The following AKAP19 variants were observed in gnomAD, a reference collection of about 807,000 sequenced individuals.
AKAP19 encodes small A-kinase anchoring protein.
the AKAP19 span, chr2:190,062,477 A>T: frequency 6.2e-7 from 1 of 1,613,622 alleles, no homozygotes; most frequent in South Asian, 1.1e-5. Flanking sequence ...AAGTACATGC[A>T]TTACACAGCC....
the AKAP19 span, among the ~76,000 whole-genome samples, chr2:190,040,650 T>G: frequency 6.6e-6 from 1 of 152,340 alleles, no homozygotes; most frequent in South Asian, 2.1e-4. Flanking sequence ...TTTTTATAGT[T>G]TTGGGTTTTA....
chr2:189,920,345 T>C, the AKAP19 span, among the ~76,000 whole-genome samples: 3 of 152,290 alleles, frequency 2.0e-5, no homozygotes, highest in African/African-American at 7.2e-5. Context: ...CTGTCCTAGA[T>C]CCTGCCATCA....
chr2:189,945,269 C>A, the AKAP19 span, among the ~76,000 whole-genome samples: 2 of 151,896 alleles, frequency 1.3e-5, no homozygotes, highest in Admixed American at 6.6e-5. Flanking sequence ...TAACTGAGAC[C>A]AAAACAAAAC....
the AKAP19 span, among the ~76,000 whole-genome samples, chr2:189,912,885 G>T: frequency 1.1e-4 from 16 of 152,082 alleles, no homozygotes; most frequent in African/African-American, 3.6e-4. Flanking sequence ...ATTTGTCATA[G>T]TTGATTTCCA....
At chr2:190,133,089 T>A in the AKAP19 span, among the ~76,000 whole-genome samples, 1 of 151,396 alleles carries the variant, frequency 6.6e-6, no homozygotes, top group Non-Finnish European at 1.5e-5. Context: ...ACAAAAAAAA[T>A]TAGCCGGGCG....
chr2:190,138,824 G>A, the AKAP19 span, among the ~76,000 whole-genome samples: 359 of 152,260 alleles, frequency 2.4e-3, 4 homozygotes, highest in African/African-American at 8.1e-3. Flanking sequence ...CCATTTTCAC[G>A]AGAAGACCCT....
At chr2:189,968,659 G>A in the AKAP19 span, among the ~76,000 whole-genome samples, 6 of 152,102 alleles carry the variant, frequency 3.9e-5, no homozygotes, top group Admixed American at 2.0e-4. Context: ...GTGCAGAAAG[G>A]TTGAGAGTAG....
the AKAP19 span, among the ~76,000 whole-genome samples, chr2:190,053,051 A>G: frequency 6.6e-6 from 1 of 152,214 alleles, no homozygotes; most frequent in East Asian, 1.9e-4. Context: ...ATAGCATAAT[A>G]CTGTTAAAAA....
At chr2:190,019,268 CTGGGAAGAGCT>C in the AKAP19 span, among the ~76,000 whole-genome samples, 1 of 152,158 alleles carries the variant, frequency 6.6e-6, no homozygotes, top group African/African-American at 2.4e-5. Context: ...GTCTCTTCCT[CTGGGAAGAGCT>C]TGGGGTGGTC....
At chr2:189,953,667 T>G in the AKAP19 span, among the ~76,000 whole-genome samples, 1 of 150,876 alleles carries the variant, frequency 6.6e-6, no homozygotes, top group African/African-American at 2.4e-5. Flanking sequence ...AAACAAAGAC[T>G]TTTAGATATA....
the AKAP19 span, among the ~76,000 whole-genome samples, chr2:189,880,028 C>G: frequency 3.3e-5 from 5 of 152,170 alleles, no homozygotes; most frequent in African/African-American, 4.8e-5. Context: ...AATGTTAGAC[C>G]TGTATTCAGA....
At chr2:189,950,342 T>TG in the AKAP19 span, among the ~76,000 whole-genome samples, 1 of 150,404 alleles carries the variant, frequency 6.6e-6, no homozygotes, top group Non-Finnish European at 1.5e-5. Context: ...TTGTTTTTTT[T>TG]TTTTGTTTTT....
chr2:189,957,598 G>T, the AKAP19 span, among the ~76,000 whole-genome samples: 1 of 152,150 alleles, frequency 6.6e-6, no homozygotes, highest in Non-Finnish European at 1.5e-5. Flanking sequence ...AGTTAAATAA[G>T]AAGATATTAT....
At chr2:189,939,506 C>T in the AKAP19 span, among the ~76,000 whole-genome samples, 1 of 152,130 alleles carries the variant, frequency 6.6e-6, no homozygotes, top group East Asian at 1.9e-4. Flanking sequence ...GCATAAATAA[C>T]CTTCCATCCA....
chr2:189,999,822 T>A, the AKAP19 span, among the ~76,000 whole-genome samples: 12 of 152,326 alleles, frequency 7.9e-5, no homozygotes, highest in African/African-American at 2.9e-4. Flanking sequence ...TTATTACTAT[T>A]CAGAGCCAGG....
the AKAP19 span, among the ~76,000 whole-genome samples, chr2:190,013,115 T>A: frequency 6.6e-6 from 1 of 152,222 alleles, no homozygotes; most frequent in East Asian, 1.9e-4. Flanking sequence ...ATCATTGTAA[T>A]GCTGGGCTCA....
the AKAP19 span, among the ~76,000 whole-genome samples, chr2:189,881,863 A>G: frequency 2.0e-5 from 3 of 152,236 alleles, no homozygotes; most frequent in Non-Finnish European, 2.9e-5. Context: ...ATTTTTCTCC[A>G]GTTTCCCATT....
chr2:189,913,222 T>G, the AKAP19 span, among the ~76,000 whole-genome samples: 1 of 152,140 alleles, frequency 6.6e-6, no homozygotes, highest in African/African-American at 2.4e-5. Context: ...CACCTTTGAC[T>G]CCTTTGATAT....
chr2:190,140,338 C>T, the AKAP19 span, among the ~76,000 whole-genome samples: 4 of 152,226 alleles, frequency 2.6e-5, no homozygotes, highest in African/African-American at 7.2e-5. Context: ...CACAGCTCCA[C>T]TAGGCAGTGC....
Sources: gnomAD v4.1 joint callset for allele counts (sites outside exome capture counted in the v4.1 genomes callset) on GRCh38, gnomAD v4.1.1 for gene constraint, MANE v1.5 for transcripts, NCBI Gene and HGNC (gene_info 2026-07-23, HGNC 2026-07-21) for gene names.